EIF2S1: variants seen among roughly 807,000 people sequenced by gnomAD.
EIF2S1 encodes eukaryotic translation initiation factor 2 subunit 1.
In EIF2S1, 5 loss-of-function variants were observed where a neutral mutation model predicts 33.5. The ratio of observed to expected loss-of-function variants is 0.15; its 90% CI spans 0.08 to 0.31. The LOEUF (loss-of-function observed/expected upper bound fraction) is 0.31, where lower values mean the gene tolerates loss of function less well. Ranked by LOEUF, EIF2S1 falls within the 10% of genes least tolerant of loss-of-function variation. EIF2S1 has a pLI of 1.00. For missense variants in EIF2S1, 191 were observed against 384.6 expected, an observed-to-expected ratio of 0.50 and a Z score of 4.21; for synonymous variants, 99 against 127.5, an observed-to-expected ratio of 0.78 and a Z score of 1.51.
At chr14:67,362,138 A>G (rs1322004295) in intron 1 of EIF2S1, among the ~76,000 whole-genome samples, 1 of 151,054 alleles carries the variant, frequency 6.6e-6, no homozygotes, top group Non-Finnish European at 1.5e-5. Context: ...CTCCTGCCTC[A>G]GCCACTATAG....
chr14:67,365,108 GCTC>G, intron 2 of EIF2S1, 100 bp downstream of exon 2: 2 of 1,240,662 alleles, frequency 1.6e-6, no homozygotes, highest in Admixed American at 3.0e-5. Context: ...AAAAAAAAAA[GCTC>G]CTTTTATACT....
rs1566618825 is a variant in EIF2S1, at chr14:67,383,603, A to G, written c.*163A>G. 2 of 1,007,584 alleles carry G rather than the reference A, an allele frequency of 2.0e-6. No homozygotes were observed. Among genetic ancestry groups the G allele is most frequent in the Admixed American group, 4.3e-5 (2 of 46,708 alleles). 62.4% of individuals were successfully genotyped at this position (1,007,584 alleles called of 1,614,324 possible). A position where few individuals can be genotyped will look rare whatever the true frequency, so the allele number is the denominator to read the frequency against. On this transcript the variant is annotated 3_prime_UTR_variant, in exon 8 of 8. Transcript: ENST00000256383. ...AGATCAGAACATGAAATGCCCTCCT[A>G]AATGTCAGCTGTTGTCACACAGTAG...
At chr14:67,372,520 C>G (rs1019727730) in intron 2 of EIF2S1, among the ~76,000 whole-genome samples, 2 of 152,130 alleles carry the variant, frequency 1.3e-5, no homozygotes, top group Admixed American at 1.3e-4. Flanking sequence ...TTTAAAAACT[C>G]TTGAACAACC....
chr14:67,363,788 A>G (rs1238046807), intron 1 of EIF2S1, among the ~76,000 whole-genome samples: 1 of 152,244 alleles, frequency 6.6e-6, no homozygotes, highest in Non-Finnish European at 1.5e-5. Flanking sequence ...AAGTTATTAT[A>G]TGAATTTTCA....
chr14:67,370,427 T>C (rs929164790), intron 2 of EIF2S1, among the ~76,000 whole-genome samples: 1 of 152,192 alleles, frequency 6.6e-6, no homozygotes, highest in Non-Finnish European at 1.5e-5. Context: ...TAAAAACTTG[T>C]TTTTTGTTTT....
chr14:67,367,311 A>G (rs1034613217), intron 2 of EIF2S1, among the ~76,000 whole-genome samples: 2 of 152,084 alleles, frequency 1.3e-5, no homozygotes, highest in Admixed American at 1.3e-4. Flanking sequence ...GCTCACTGCA[A>G]CCTCCGACTC....
intron 2 of EIF2S1, among the ~76,000 whole-genome samples, chr14:67,367,407 T>G (rs901149057): frequency 1.4e-4 from 21 of 152,180 alleles, no homozygotes; most frequent in African/African-American, 4.8e-4. Context: ...ATTTTTGTAT[T>G]TTTGGTAGAG....
chr14:67,369,452 A>G (rs912871299), intron 2 of EIF2S1, among the ~76,000 whole-genome samples: 5 of 152,254 alleles, frequency 3.3e-5, no homozygotes, highest in African/African-American at 4.8e-5. Context: ...TGGAGAAACA[A>G]TTAGATCAAT....
At chr14:67,379,284 C>T (rs2085873443) in intron 4 of EIF2S1, among the ~76,000 whole-genome samples, 1 of 152,176 alleles carries the variant, frequency 6.6e-6, no homozygotes, top group Admixed American at 6.5e-5. Context: ...TTGGTTTCAC[C>T]AAATCCTTGC....
At position 67,383,407 on chromosome 14, in the gene EIF2S1, T is replaced by C; in HGVS notation, c.915T>C (p.Asp305=). 1 of 1,613,626 alleles carries C rather than the reference T, an allele frequency of 6.2e-7. No individual in the cohort carries two copies. The highest frequency in any genetic ancestry group is 8.5e-7 in the Non-Finnish European group (1 of 1,179,670). ...ATGCCGAAGTGGATGGAGATGATGA[T>C]GCAGAAGAAATGGAAGCCAAAGCTG... ...RENAEVDGDD[D]AEEMEAKAED The change falls in exon 8 of 8, where the codon GAT becomes GAC. Residue 305 remains aspartate (D), a synonymous_variant. Coordinates refer to ENST00000256383, the MANE Select transcript of EIF2S1 (RefSeq NM_004094.5).
intron 4 of EIF2S1, among the ~76,000 whole-genome samples, chr14:67,379,794 A>T (rs936048148): frequency 1.3e-5 from 2 of 148,504 alleles, no homozygotes; most frequent in Non-Finnish European, 3.0e-5. Flanking sequence ...AGCTGGGACT[A>T]CAGGCGCCCG....
At chr14:67,375,317 G>A (rs562668735) in intron 3 of EIF2S1, among the ~76,000 whole-genome samples, 6 of 149,136 alleles carry the variant, frequency 4.0e-5, no homozygotes, top group South Asian at 2.1e-4. Context: ...GTGTAGTGGC[G>A]CAATCTCAAC....
At chr14:67,368,648 A>G (rs1289066402) in intron 2 of EIF2S1, among the ~76,000 whole-genome samples, 1 of 148,498 alleles carries the variant, frequency 6.7e-6, no homozygotes, top group Admixed American at 6.7e-5. Context: ...AAATAGATCT[A>G]TATGATTCTT....
chr14:67,375,605 T>C (rs2085853541), intron 3 of EIF2S1, among the ~76,000 whole-genome samples: 1 of 152,182 alleles, frequency 6.6e-6, no homozygotes. Context: ...AATAAAGGTC[T>C]AAAAGCCATC....
At chr14:67,382,277 C>A in intron 6 of EIF2S1, 170 bp from the exon 7 acceptor site, 1 of 491,036 alleles carries the variant, frequency 2.0e-6, no homozygotes. Flanking sequence ...ACAAATCACC[C>A]CAAAACGTAA....
chr14:67,362,123 G>A (rs1204754756), intron 1 of EIF2S1, among the ~76,000 whole-genome samples: 1 of 151,116 alleles, frequency 6.6e-6, no homozygotes. Flanking sequence ...TGGGTTCAAG[G>A]GATTCTCCTG....
chr14:67,379,680 A>T, intron 4 of EIF2S1, among the ~76,000 whole-genome samples: 1 of 89,118 alleles, frequency 1.1e-5, no homozygotes, highest in Admixed American at 1.5e-4. Context: ...TTTGAGACGG[A>T]GTCTCGCTCT....
intron 4 of EIF2S1, among the ~76,000 whole-genome samples, chr14:67,377,864 A>G (rs769416337): frequency 2.6e-5 from 4 of 151,796 alleles, no homozygotes; most frequent in Non-Finnish European, 5.9e-5. Context: ...TCCCAGCACT[A>G]TGTAAGGCTG....
intron 1 of EIF2S1, among the ~76,000 whole-genome samples, chr14:67,363,245 A>T (rs954779188): frequency 1.4e-4 from 22 of 151,850 alleles, no homozygotes; most frequent in South Asian, 6.3e-4. Flanking sequence ...AACGAAACAA[A>T]CAGTCAGCTG....
Sources: gnomAD v4.1 joint callset for allele counts (sites outside exome capture counted in the v4.1 genomes callset) on GRCh38, gnomAD v4.1.1 for gene constraint, MANE v1.5 for transcripts, NCBI Gene and HGNC (gene_info 2026-07-23, HGNC 2026-07-21) for gene names.